The following PRKG1 variants were observed in gnomAD, a reference collection of about 807,000 sequenced individuals.
The protein encoded by PRKG1 is cGMP-dependent protein kinase 1.
A neutral mutation model predicts 88.1 loss-of-function variants in PRKG1; 35 were observed. That is an observed-to-expected ratio of 0.40 (90% CI 0.30 to 0.53). The LOEUF (loss-of-function observed/expected upper bound fraction) is 0.53, where lower values mean the gene tolerates loss of function less well. Ranked by LOEUF, PRKG1 falls within the 20% of genes least tolerant of loss-of-function variation. The probability of loss-of-function intolerance (pLI) is 0.59; values close to 1 mark genes in which losing one functional copy is unlikely to be tolerated. For missense variants in PRKG1, 540 were observed against 839.8 expected (o/e 0.64, Z 4.41); for synonymous variants, 303 against 292.5 (o/e 1.04, Z -0.37).
chr10:52,035,759 A>G (rs193076929), intron 5 of PRKG1, among the ~76,000 whole-genome samples: 3,018 of 152,174 alleles, frequency 0.02, 109 homozygotes, highest in African/African-American at 0.068. Flanking sequence ...AAGAAAATAG[A>G]TTTTGGAAGT....
chr10:51,342,639 T>C (rs557817991), intron 2 of PRKG1, among the ~76,000 whole-genome samples: 3 of 152,278 alleles, frequency 2.0e-5, no homozygotes, highest in African/African-American at 7.2e-5. Context: ...CTAATTTTCA[T>C]CTGAGTCACT....
At chr10:51,042,699 C>G (rs1429113449) in intron 1 of PRKG1, among the ~76,000 whole-genome samples, 1 of 152,164 alleles carries the variant, frequency 6.6e-6, no homozygotes, top group African/African-American at 2.4e-5. Flanking sequence ...ATAGGAGACA[C>G]TGGACTTGGG....
intron 3 of PRKG1, chr10:51,698,600 C>G: frequency 6.2e-7 from 1 of 1,613,892 alleles, no homozygotes; most frequent in South Asian, 1.1e-5. Flanking sequence ...AGTCACGGGT[C>G]CGCGAGGTAT....
chr10:51,510,464 G>A (rs185961627), intron 3 of PRKG1, among the ~76,000 whole-genome samples: 195 of 152,112 alleles, frequency 1.3e-3, no homozygotes, highest in Non-Finnish European at 9.9e-4. Flanking sequence ...AGCACATAAT[G>A]AAAGTTATGT....
At chr10:50,992,853 G>T (rs572291221) in intron 1 of PRKG1, among the ~76,000 whole-genome samples, 25 of 152,254 alleles carry the variant, frequency 1.6e-4, no homozygotes, top group African/African-American at 5.3e-4. Context: ...CATTTCTCAG[G>T]ATATTGAATA....
intron 1 of PRKG1, among the ~76,000 whole-genome samples, chr10:51,104,429 A>T (rs1844767926): frequency 6.6e-6 from 1 of 152,182 alleles, no homozygotes; most frequent in Non-Finnish European, 1.5e-5. Context: ...GTGACAAGAG[A>T]TAGTTGTATA....
At chr10:51,597,440 C>T (rs1173257279) in intron 3 of PRKG1, among the ~76,000 whole-genome samples, 1 of 152,124 alleles carries the variant, frequency 6.6e-6, no homozygotes, top group African/African-American at 2.4e-5. Context: ...ATGGTATTTG[C>T]AATGTGAGGG....
intron 2 of PRKG1, among the ~76,000 whole-genome samples, chr10:51,192,659 T>G (rs1055433999): frequency 6.6e-6 from 1 of 151,942 alleles, no homozygotes; most frequent in African/African-American, 2.4e-5. Context: ...AGTAAAGAGA[T>G]TTTCATCTTA....
chr10:52,278,666 G>A (rs1260342528), intron 12 of PRKG1, among the ~76,000 whole-genome samples: 7 of 152,048 alleles, frequency 4.6e-5, no homozygotes, highest in Non-Finnish European at 7.4e-5. Flanking sequence ...GGTGGCTCAC[G>A]CCTGTAATCC....
intron 12 of PRKG1, among the ~76,000 whole-genome samples, chr10:52,274,431 AG>A (rs1841816040): frequency 6.6e-6 from 1 of 151,870 alleles, no homozygotes; most frequent in African/African-American, 2.4e-5. Flanking sequence ...AATTTCATCC[AG>A]TTCCCTGCAA....
chr10:51,077,433 C>G (rs1843985588), intron 1 of PRKG1, among the ~76,000 whole-genome samples: 1 of 152,042 alleles, frequency 6.6e-6, no homozygotes, highest in South Asian at 2.1e-4. Context: ...ATGTAGGTAA[C>G]TGCCCCGCTA....
At position 52,296,117 on chromosome 10, in the gene PRKG1, G is replaced by C. The variant is rs1272165991; in HGVS notation, c.*2217G>C. The C allele has an allele frequency of 1.3e-5, 2 of 151,968 alleles. No individual in the cohort carries two copies. Among genetic ancestry groups the C allele is most frequent in the African/African-American group, 4.8e-5 (2 of 41,404 alleles). The allele number at this position is 151,968 out of a possible 1,614,324, so 9.4% of individuals were successfully genotyped here. On this transcript the variant is annotated 3_prime_UTR_variant, in exon 18 of 18. Coordinates refer to ENST00000373980, the MANE Select transcript of PRKG1 (RefSeq NM_006258.4). Reference sequence around the variant, plus strand: ...TTTGTTGAAAGATAATGTGGTTTAGGCTTGCTAAAGAAAGGCTTGCTAGAA... The same window carrying C: ...TTTGTTGAAAGATAATGTGGTTTAGCCTTGCTAAAGAAAGGCTTGCTAGAA...
chr10:51,271,202 G>A (rs956950718), intron 2 of PRKG1, among the ~76,000 whole-genome samples: 4 of 151,950 alleles, frequency 2.6e-5, no homozygotes, highest in Admixed American at 2.6e-4. Context: ...TAGATGGTTG[G>A]GGGGGAGTAA....
chr10:52,020,826 C>A lies in PRKG1; in HGVS notation c.763-33658C>A, dbSNP rs116201737. ...TTGTCTCTTACTGCACGTGCCCCGG[C>A]TCACTCACCCAGTACCTGAGATTTT... On this transcript the variant is annotated intron_variant, in intron 5 of 17. Transcript: ENST00000373980. Among the ~76,000 whole-genome samples, 349 of 152,176 alleles carry A rather than the reference C, an allele frequency of 2.3e-3. 1 individual carries two copies. Among genetic ancestry groups the A allele is most frequent in the African/African-American group, 7.9e-3 (330 of 41,526 alleles).
chr10:51,213,618 C>A (rs989442600), intron 2 of PRKG1, among the ~76,000 whole-genome samples: 1 of 152,074 alleles, frequency 6.6e-6, no homozygotes, highest in East Asian at 1.9e-4. Context: ...AATAGCCATG[C>A]CTGGTGAAGT....
chr10:51,105,473 A>G (rs1392121235), intron 1 of PRKG1, among the ~76,000 whole-genome samples: 1 of 152,182 alleles, frequency 6.6e-6, no homozygotes, highest in Non-Finnish European at 1.5e-5. Flanking sequence ...TTTTTGTTTC[A>G]AAGACAGTGC....
chr10:51,692,701 C>T (rs972764187), intron 3 of PRKG1, among the ~76,000 whole-genome samples: 4 of 152,094 alleles, frequency 2.6e-5, no homozygotes, highest in African/African-American at 9.7e-5. Context: ...GTCTTAAAGT[C>T]CTGAACTCAA....
intron 2 of PRKG1, among the ~76,000 whole-genome samples, chr10:51,328,256 A>G (rs1018172743): frequency 2.0e-4 from 30 of 152,256 alleles, no homozygotes; most frequent in African/African-American, 6.7e-4. Context: ...GGCTTATTTC[A>G]CTTAACGTGA....
chr10:51,958,680 A>T (rs1397784060), intron 5 of PRKG1, among the ~76,000 whole-genome samples: 1 of 150,770 alleles, frequency 6.6e-6, no homozygotes, highest in African/African-American at 2.4e-5. Context: ...AATTATATAT[A>T]TTTTTAAATA....
Sources: gnomAD v4.1 joint callset for allele counts (sites outside exome capture counted in the v4.1 genomes callset) on GRCh38, gnomAD v4.1.1 for gene constraint, MANE v1.5 for transcripts, NCBI Gene and HGNC (gene_info 2026-07-23, HGNC 2026-07-21) for gene names.